ZBTB7C: variants seen among roughly 807,000 people sequenced by gnomAD.
The protein encoded by ZBTB7C is zinc finger and BTB domain-containing protein 7C.
Under a neutral mutation model 25.7 loss-of-function variants are expected in ZBTB7C, and 8 were observed. That is an observed-to-expected ratio of 0.31 (90% CI 0.18 to 0.56). The LOEUF (loss-of-function observed/expected upper bound fraction) is 0.56, where lower values mean the gene tolerates loss of function less well. Ranked by LOEUF, ZBTB7C falls within the 20% of genes least tolerant of loss-of-function variation. ZBTB7C has a pLI of 0.91. For synonymous variants in ZBTB7C, 394 were observed against 369.0 expected (o/e 1.07, Z -0.78); for missense variants, 824 against 855.2 (o/e 0.96, Z 0.46).
intron 3 of ZBTB7C, chr18:48,148,159 A>ATT (rs74172095): frequency 1.7e-3 from 204 of 122,584 alleles, no homozygotes; most frequent in Middle Eastern, 4.8e-3. Context: ...ACCACGGCTA[A>ATT]TTTTTTTTTT....
At chr18:48,161,436 T>G (rs2041025880) in intron 3 of ZBTB7C, among the ~76,000 whole-genome samples, 1 of 151,826 alleles carries the variant, frequency 6.6e-6, no homozygotes, top group South Asian at 2.1e-4. Flanking sequence ...ACGGGGCGGA[T>G]TCACGAAAAA....
chr18:48,332,071 T>C (rs1336218792), intron 2 of ZBTB7C, among the ~76,000 whole-genome samples: 4 of 152,134 alleles, frequency 2.6e-5, no homozygotes, highest in African/African-American at 4.8e-5. Context: ...TTAACCCAAT[T>C]CTCTCCAATA....
intron 2 of ZBTB7C, among the ~76,000 whole-genome samples, chr18:48,217,190 C>T (rs1360282303): frequency 6.6e-6 from 1 of 152,174 alleles, no homozygotes; most frequent in Non-Finnish European, 1.5e-5. Context: ...TTCCTATGAC[C>T]TCACCCACTC....
intron 2 of ZBTB7C, among the ~76,000 whole-genome samples, chr18:48,291,289 G>A (rs1340425769): frequency 6.6e-6 from 1 of 151,760 alleles, no homozygotes. Flanking sequence ...GGAGGGTGGT[G>A]GTGAGGGGGG....
intron 1 of ZBTB7C, among the ~76,000 whole-genome samples, chr18:48,349,284 G>C (rs1009977458): frequency 2.0e-5 from 3 of 152,204 alleles, no homozygotes; most frequent in Non-Finnish European, 2.9e-5. Flanking sequence ...AGAAATGTCA[G>C]AGAAGAGCAA....
In ZBTB7C at chr18:48,040,672, C is replaced by T. The variant is rs758151988; in HGVS notation, c.436G>A (p.Glu146Lys). 32 of 1,613,444 alleles carry T rather than the reference C, an allele frequency of 2.0e-5. No individual in the cohort carries two copies. Among genetic ancestry groups the T allele is most frequent in the South Asian group, 2.0e-4 (18 of 91,030 alleles). Residue 146 changes from glutamate to lysine, a missense_variant, in exon 4 of 5, where the codon GAA becomes AAA. Glu to Lys is a moderately conservative substitution (Grantham distance 56). Transcript: ENST00000590800. ...TCGTCCTCCTCATCATCATCATCTT[C>T]GTCGTCGTCATCGTCCTCCTTGTCA... ...EDDKEDDDDD[E>K]DDDDEEDEEE...
rs746790308 is a variant in ZBTB7C at position 48,185,342 on chromosome 18, G to A, written c.-17+592C>T. ...CACACACCTGGTCATAAAGTTCTTT[G>A]TCTCATATGCAGGTGTCTTCTCTTC... On this transcript the variant is annotated intron_variant, in intron 3 of 4. Coordinates refer to ENST00000590800, the MANE Select transcript of ZBTB7C (RefSeq NM_001318841.2). The A allele has an allele frequency of 1.8e-5, 8 of 449,124 alleles. No individual in the cohort carries two copies. The Admixed American group carries it at 2.0e-4, about 11-fold the overall frequency. The allele number at this position is 449,124 out of a possible 1,614,324, so 27.8% of individuals were successfully genotyped here.
chr18:48,061,875 T>C (rs4245249), intron 3 of ZBTB7C, among the ~76,000 whole-genome samples: 141,171 of 152,180 alleles, frequency 0.93, 65,542 homozygotes, highest in African/African-American at 0.96. Flanking sequence ...GCCTATTTAC[T>C]TTGAAATAGT....
chr18:48,196,762 A>C lies in ZBTB7C; in HGVS notation c.-78-10767T>G, dbSNP rs1006407526. ...ATTTAACCCAAATGCCATCAAATCAATGAACCACCCAACCGACCAACCAAC... is the reference window on the plus strand; with the variant it reads ...ATTTAACCCAAATGCCATCAAATCACTGAACCACCCAACCGACCAACCAAC... On this transcript the variant is annotated intron_variant, in intron 2 of 4. Coordinates refer to ENST00000590800, the MANE Select transcript of ZBTB7C (RefSeq NM_001318841.2). Among the ~76,000 whole-genome samples the C allele has an allele frequency of 1.4e-4, 22 of 152,310 alleles. 1 individual carries two copies. Among genetic ancestry groups the C allele is most frequent in the East Asian group, 1.2e-3 (6 of 5,180 alleles).
At chr18:48,290,557 GGT>G (rs1349363393) in intron 2 of ZBTB7C, among the ~76,000 whole-genome samples, 5 of 152,220 alleles carry the variant, frequency 3.3e-5, no homozygotes, top group Non-Finnish European at 7.3e-5. Context: ...GCTCCCCTGT[GGT>G]GTTTTTGAGG....
At chr18:48,202,716 TAGA>T (rs1355120058) in intron 2 of ZBTB7C, among the ~76,000 whole-genome samples, 1 of 149,344 alleles carries the variant, frequency 6.7e-6, no homozygotes, top group Non-Finnish European at 1.5e-5. Flanking sequence ...TGGGAGGACA[TAGA>T]AGGCCAGTGA....
intron 1 of ZBTB7C, among the ~76,000 whole-genome samples, chr18:48,347,130 T>G (rs1279378447): frequency 1.4e-5 from 2 of 142,688 alleles, no homozygotes; most frequent in Admixed American, 6.9e-5. Flanking sequence ...GTTTGTTTTT[T>G]TTTTTTTTTT....
chr18:48,088,443 A>G (rs2038278190), intron 3 of ZBTB7C: 1 of 152,212 alleles, frequency 6.6e-6, no homozygotes, highest in African/African-American at 2.4e-5. Context: ...ACAAAAAAAC[A>G]CAACTGTATA....
chr18:48,081,247 T>A (rs2037970166), intron 3 of ZBTB7C, among the ~76,000 whole-genome samples: 1 of 152,104 alleles, frequency 6.6e-6, no homozygotes, highest in African/African-American at 2.4e-5. Context: ...ATAGCTTGGA[T>A]CCTGCAACTG....
intron 2 of ZBTB7C, among the ~76,000 whole-genome samples, chr18:48,254,052 C>T (rs545388925): frequency 2.6e-5 from 4 of 152,344 alleles, no homozygotes; most frequent in African/African-American, 9.6e-5. Flanking sequence ...ATCACCTTGT[C>T]CCATGACTCT....
At chr18:48,205,623 T>C (rs1190128940) in intron 2 of ZBTB7C, among the ~76,000 whole-genome samples, 1 of 151,928 alleles carries the variant, frequency 6.6e-6, no homozygotes, top group Non-Finnish European at 1.5e-5. Context: ...TGTTTAGTCA[T>C]CTATGGTGAG....
intron 3 of ZBTB7C, among the ~76,000 whole-genome samples, chr18:48,057,592 T>G (rs1225735847): frequency 1.3e-5 from 2 of 152,206 alleles, no homozygotes; most frequent in Admixed American, 1.3e-4. Context: ...GAAGGCAGAT[T>G]TATTTTCCTA....
At chr18:48,175,578 C>T (rs2041645067) in intron 3 of ZBTB7C, among the ~76,000 whole-genome samples, 2 of 151,964 alleles carry the variant, frequency 1.3e-5, no homozygotes, top group Admixed American at 1.3e-4. Flanking sequence ...GTGTTTTGTC[C>T]CCTGAAAGGG....
At chr18:48,145,467 G>A (rs924097414) in intron 3 of ZBTB7C, among the ~76,000 whole-genome samples, 3 of 152,124 alleles carry the variant, frequency 2.0e-5, no homozygotes, top group African/African-American at 7.2e-5. Context: ...AGGGACTCAG[G>A]GAATCCCTGC....
Sources: gnomAD v4.1 joint callset for allele counts (sites outside exome capture counted in the v4.1 genomes callset) on GRCh38, gnomAD v4.1.1 for gene constraint, MANE v1.5 for transcripts, NCBI Gene and HGNC (gene_info 2026-07-23, HGNC 2026-07-21) for gene names.